The following PHIP variants were observed in gnomAD, a reference collection of about 807,000 sequenced individuals.
PHIP encodes PH-interacting protein.
In PHIP, 54 loss-of-function variants were observed where a neutral mutation model predicts 236.8. The observed-to-expected ratio is 0.23, with a 90% CI of 0.18 to 0.29. PHIP has a LOEUF of 0.29. Ranked by LOEUF, PHIP falls within the 10% of genes least tolerant of loss-of-function variation. The probability of loss-of-function intolerance (pLI) is 1.00; values close to 1 mark genes in which losing one functional copy is unlikely to be tolerated. For synonymous variants in PHIP, 756 were observed against 718.9 expected (o/e 1.05, Z -0.83); for missense variants, 1,370 against 2,190.8 (o/e 0.63, Z 7.48).
chr6:79,004,188 T>G (rs761247725), intron 15 of PHIP, among the ~76,000 whole-genome samples: 2 of 152,118 alleles, frequency 1.3e-5, no homozygotes, highest in Non-Finnish European at 2.9e-5. Context: ...CGTTCAATCA[T>G]GCCCTTTCTG....
intron 10 of PHIP, among the ~76,000 whole-genome samples, chr6:79,018,850 A>G (rs377642288): frequency 6.6e-6 from 1 of 152,020 alleles, no homozygotes; most frequent in South Asian, 2.1e-4. Context: ...CTCTCCTACT[A>G]GAACATTATA....
At chr6:78,960,948 A>G (rs535456134) in intron 31 of PHIP, among the ~76,000 whole-genome samples, 1 of 152,290 alleles carries the variant, frequency 6.6e-6, no homozygotes, top group African/African-American at 2.4e-5. Context: ...CTGGTCACAA[A>G]AACTTTTAAT....
intron 31 of PHIP, among the ~76,000 whole-genome samples, chr6:78,960,036 G>A (rs966566460): frequency 6.6e-6 from 1 of 152,096 alleles, no homozygotes; most frequent in African/African-American, 2.4e-5. Context: ...GGCTGACTGG[G>A]AGCTACTGGG....
At chr6:78,983,902 T>C (rs182579024) in intron 22 of PHIP, among the ~76,000 whole-genome samples, 214 of 152,254 alleles carry the variant, frequency 1.4e-3, no homozygotes, top group African/African-American at 4.9e-3. Context: ...AAATAAAGAA[T>C]CTAGTTGTAT....
intron 14 of PHIP, 105 bp downstream of exon 14, chr6:79,015,525 A>G (rs1048923472): frequency 2.3e-6 from 2 of 859,040 alleles, no homozygotes; most frequent in Non-Finnish European, 3.6e-6. Context: ...TACCCCAGCA[A>G]GCAAGAGTTT....
chr6:78,973,940 C>A (rs988840398), intron 24 of PHIP, among the ~76,000 whole-genome samples: 1 of 151,874 alleles, frequency 6.6e-6, no homozygotes, highest in Non-Finnish European at 1.5e-5. Context: ...GACTTTAACA[C>A]CCCACTGTCA....
intron 15 of PHIP, among the ~76,000 whole-genome samples, chr6:79,004,644 T>G (rs1276185632): frequency 6.6e-6 from 1 of 152,112 alleles, no homozygotes; most frequent in African/African-American, 2.4e-5. Flanking sequence ...AAGGATGATT[T>G]TCAACAAATG....
At chr6:79,017,030 G>GAAA (rs1770862681) in intron 12 of PHIP, among the ~76,000 whole-genome samples, 11 of 151,862 alleles carry the variant, frequency 7.2e-5, no homozygotes, top group Admixed American at 7.2e-4. Flanking sequence ...CAATAAACAG[G>GAAA]TCTGCCTTAA....
intron 6 of PHIP, among the ~76,000 whole-genome samples, chr6:79,050,668 A>C (rs1772748713): frequency 1.3e-5 from 2 of 152,192 alleles, no homozygotes; most frequent in African/African-American, 4.8e-5. Flanking sequence ...TCAAAAAAGC[A>C]GTAGGAAAAC....
intron 15 of PHIP, among the ~76,000 whole-genome samples, chr6:79,014,413 A>C (rs1335407924): frequency 1.3e-5 from 2 of 151,794 alleles, no homozygotes; most frequent in Non-Finnish European, 3.0e-5. Context: ...CTTTGTTGAA[A>C]GGTATCTCTA....
At chr6:79,016,479 A>G in intron 13 of PHIP, 65 bp downstream of exon 13, 2 of 933,328 alleles carry the variant, frequency 2.1e-6, no homozygotes, top group Non-Finnish European at 3.3e-6. Context: ...GAGAGTCACC[A>G]ACCTGCACTA....
chr6:79,005,245 G>A (rs1022504302), intron 15 of PHIP, among the ~76,000 whole-genome samples: 2 of 151,934 alleles, frequency 1.3e-5, no homozygotes, highest in Non-Finnish European at 1.5e-5. Flanking sequence ...GTTGGAGGAT[G>A]ATAAGATAGG....
rs751065215 is a variant in PHIP at position 79,077,512 on chromosome 6, G to A, written c.130-5C>T. On this transcript the variant is annotated splice_polypyrimidine_tract_variant and splice_region_variant and intron_variant, in intron 3 of 39. Coordinates refer to ENST00000275034, the MANE Select transcript of PHIP (RefSeq NM_017934.7). ...GTCGGTGCGCCGGGGCAGCAGCTGCGGGGAGAGGACACCCCGTGAGCCCGG... is the reference window on the plus strand; with the variant it reads ...GTCGGTGCGCCGGGGCAGCAGCTGCAGGGAGAGGACACCCCGTGAGCCCGG... The A allele has an allele frequency of 2.6e-6, 4 of 1,543,730 alleles. No homozygotes were observed. The East Asian group carries it at 1.1e-4, about 41-fold the overall frequency.
At chr6:78,971,496 T>C (rs1324856596) in intron 24 of PHIP, among the ~76,000 whole-genome samples, 1 of 152,168 alleles carries the variant, frequency 6.6e-6, no homozygotes, top group Non-Finnish European at 1.5e-5. Flanking sequence ...TTTCATTCTA[T>C]TCATTAATAC....
intron 4 of PHIP, among the ~76,000 whole-genome samples, chr6:79,075,651 A>C (rs1774116456): frequency 6.6e-6 from 1 of 150,956 alleles, no homozygotes; most frequent in Admixed American, 6.6e-5. Context: ...AAAACAAAAA[A>C]ACAAAATGAT....
intron 29 of PHIP, among the ~76,000 whole-genome samples, chr6:78,964,936 T>C (rs949256264): frequency 3.3e-5 from 5 of 152,222 alleles, no homozygotes; most frequent in Admixed American, 2.6e-4. Context: ...CAATTGTGCA[T>C]GTGTGTTGTA....
intron 7 of PHIP, among the ~76,000 whole-genome samples, chr6:79,034,193 G>C (rs1348024997): frequency 6.6e-6 from 1 of 152,044 alleles, no homozygotes; most frequent in East Asian, 1.9e-4. Flanking sequence ...CTTTACTCAG[G>C]GTTTTCACAA....
chr6:79,066,724 T>G (rs200265711), intron 4 of PHIP, among the ~76,000 whole-genome samples: 2 of 152,294 alleles, frequency 1.3e-5, no homozygotes, highest in East Asian at 3.9e-4. Flanking sequence ...AAGATAAAAC[T>G]ACAATATTTA....
At chr6:79,061,547 A>T (rs1323285237) in intron 4 of PHIP, among the ~76,000 whole-genome samples, 1 of 152,182 alleles carries the variant, frequency 6.6e-6, no homozygotes, top group Non-Finnish European at 1.5e-5. Context: ...CAGAAATGTA[A>T]AACAATGCCA....
Sources: allele counts gnomAD v4.1 joint callset (sites outside exome capture counted in the v4.1 genomes callset), GRCh38; gene constraint gnomAD v4.1.1; transcripts MANE v1.5; gene names NCBI Gene and HGNC (gene_info 2026-07-23, HGNC 2026-07-21).